Variants in STAG2 observed in about 807,000 individuals in gnomAD.
The protein encoded by STAG2 is STAG2 cohesin complex component.
Under a neutral mutation model 108.1 loss-of-function variants are expected in STAG2, and 14 were observed. The ratio of observed to expected loss-of-function variants is 0.13; its 90% CI spans 0.09 to 0.20. The LOEUF is 0.20. Among genes scored for constraint, STAG2 ranks in the 10% least tolerant of loss-of-function variants. STAG2 has a pLI of 1.00. For synonymous variants in STAG2, 307 were observed against 302.7 expected, an observed-to-expected ratio of 1.01 and a Z score of -0.15; for missense variants, 440 against 940.9, an observed-to-expected ratio of 0.47 and a Z score of 6.96.
intron 14 of STAG2, among the ~76,000 whole-genome samples, chrX:124,057,266 A>T (rs2058234149): frequency 8.9e-6 from 1 of 112,015 alleles, no homozygotes; most frequent in Admixed American, 9.5e-5. Flanking sequence ...TTTGAGCCAT[A>T]TAGATTAAAC....
chrX:123,973,369 C>T (rs966459879), intron 1 of STAG2, among the ~76,000 whole-genome samples: 17 of 106,795 alleles, frequency 1.6e-4, no homozygotes, highest in Non-Finnish European at 3.1e-4. Flanking sequence ...GGTGAGACCC[C>T]GTCTCTACTA....
intron 33 of STAG2, among the ~76,000 whole-genome samples, chrX:124,094,582 AAT>A (rs2059333817): frequency 8.9e-6 from 1 of 111,994 alleles, no homozygotes; most frequent in Admixed American, 9.5e-5. Context: ...AAGGAAATTA[AAT>A]ACAGGTAGGA....
Position 124,013,694 on chromosome X carries a change from A to G in STAG2, c.-162-7673A>G, listed in dbSNP as rs775693629. On this transcript the variant is annotated intron_variant, in intron 1 of 34. Coordinates refer to ENST00000371145, the MANE Select transcript of STAG2 (RefSeq NM_001042750.2). Reference sequence around the variant, plus strand: ...GTATGGTCAGACAGATGAGAGGACAATATTGCGGCATTCAGGTTAAGGCAA... The same window carrying G: ...GTATGGTCAGACAGATGAGAGGACAGTATTGCGGCATTCAGGTTAAGGCAA... Among the ~76,000 whole-genome samples the G allele has an allele frequency of 5.5e-5, 6 of 108,438 alleles. No homozygotes were observed. The South Asian group carries it at 1.3e-3, about 24-fold the overall frequency. The allele number at this position is 108,438 out of a possible 115,157, so 94.2% of individuals were successfully genotyped here. A position where few individuals can be genotyped will look rare whatever the true frequency, so the allele number is the denominator to read the frequency against.
At chrX:124,019,565 T>C (rs1041800766) in intron 1 of STAG2, among the ~76,000 whole-genome samples, 6 of 111,676 alleles carry the variant, frequency 5.4e-5, no homozygotes, top group Non-Finnish European at 9.4e-5. Context: ...AAAAATCTTA[T>C]TTCACTAGGA....
At chrX:124,083,756 T>G (rs1301495313) in intron 29 of STAG2, among the ~76,000 whole-genome samples, 1 of 112,155 alleles carries the variant, frequency 8.9e-6, no homozygotes, top group Non-Finnish European at 1.9e-5. Context: ...TGAGTTTTCC[T>G]CCAGTATAAT....
chrX:123,978,662 A>G (rs1274356450), intron 1 of STAG2, among the ~76,000 whole-genome samples: 2 of 111,563 alleles, frequency 1.8e-5, no homozygotes, highest in African/African-American at 6.5e-5. Context: ...CTATATAGTA[A>G]TACAGGTTGA....
chrX:124,072,847 C>T (rs916137037), intron 25 of STAG2, among the ~76,000 whole-genome samples: 19 of 107,853 alleles, frequency 1.8e-4, no homozygotes, highest in African/African-American at 6.4e-4. Context: ...ATTATAGGTG[C>T]CCACCACCAC....
intron 5 of STAG2, among the ~76,000 whole-genome samples, chrX:124,034,904 T>C (rs1051074346): frequency 1.0e-4 from 11 of 107,668 alleles, no homozygotes; most frequent in Admixed American, 4.1e-4. Flanking sequence ...TTATTATTAT[T>C]ATCATTATTC....
chrX:124,061,245 C>G lies in STAG2; in HGVS notation c.1438C>G (p.Leu480Val). ...ESELHEHAAY[L>V]VDSMWDCATE... ...TTAGTTACATGAGCATGCAGCATAC[C>G]TTGTGGATAGCATGTGGGACTGTGC... The change falls in exon 16 of 35, where the codon CTT becomes GTT. Residue 480 changes from leucine to valine, a missense_variant. Physicochemically the swap from Leu to Val is conservative, Grantham distance 32. Around this residue, in one of 3 missense-constraint regions of STAG2, gnomAD observed 337 missense variants for 649.3 expected, o/e 0.52. Coordinates refer to ENST00000371145, the MANE Select transcript of STAG2 (RefSeq NM_001042750.2). 2 of 1,205,124 alleles carry G rather than the reference C, an allele frequency of 1.7e-6. No individual in the cohort carries two copies. The highest frequency in any genetic ancestry group is 2.2e-6 in the Non-Finnish European group (2 of 892,057).
At chrX:124,040,154 T>C (rs1320930820) in intron 6 of STAG2, among the ~76,000 whole-genome samples, 1 of 111,696 alleles carries the variant, frequency 9.0e-6, no homozygotes, top group Non-Finnish European at 1.9e-5. Context: ...AGTATACTTA[T>C]TGTAATTTAA....
intron 1 of STAG2, among the ~76,000 whole-genome samples, chrX:124,011,921 C>T (rs1160698402): frequency 8.9e-6 from 1 of 111,750 alleles, no homozygotes; most frequent in Non-Finnish European, 1.9e-5. Flanking sequence ...ATTAAATTTC[C>T]ACGAGTTTTT....
intron 30 of STAG2, among the ~76,000 whole-genome samples, chrX:124,088,553 C>T (rs1388107352): frequency 9.1e-6 from 1 of 109,616 alleles, no homozygotes; most frequent in Admixed American, 9.8e-5. Context: ...ATTAGCTATT[C>T]ATGCATTTTC....
At chrX:124,100,126 C>G (rs1197743886) in intron 34 of STAG2, among the ~76,000 whole-genome samples, 1 of 111,661 alleles carries the variant, frequency 9.0e-6, no homozygotes, top group Non-Finnish European at 1.9e-5. Context: ...GGTCTGCATA[C>G]TCAAATGCCT....
chrX:124,007,035 C>G (rs759739650), intron 1 of STAG2, among the ~76,000 whole-genome samples: 2 of 110,341 alleles, frequency 1.8e-5, no homozygotes, highest in Non-Finnish European at 3.8e-5. Flanking sequence ...TAGTCTTGCT[C>G]TGTCACCTAG....
At chrX:124,056,545 A>G (rs1399778808) in intron 14 of STAG2, among the ~76,000 whole-genome samples, 1 of 108,112 alleles carries the variant, frequency 9.2e-6, no homozygotes, top group Non-Finnish European at 1.9e-5. Context: ...CATCCTGGCT[A>G]ACACGGTGAA....
intron 17 of STAG2, 142 bp from the exon 18 acceptor site, chrX:124,062,760 G>A (rs2058420642): frequency 2.3e-6 from 1 of 428,221 alleles, no homozygotes; most frequent in South Asian, 5.6e-5. Context: ...GTCACTTTTA[G>A]GGTTAATGTT....
At chrX:123,996,528 A>G (rs768041018) in intron 1 of STAG2, among the ~76,000 whole-genome samples, 82 of 111,527 alleles carry the variant, frequency 7.4e-4, no homozygotes, top group Non-Finnish European at 1.1e-3. Flanking sequence ...CATCCCTCCA[A>G]TATTCCTTGG....
intron 1 of STAG2, among the ~76,000 whole-genome samples, chrX:123,974,211 A>G (rs1422621305): frequency 5.5e-5 from 6 of 109,101 alleles, no homozygotes; most frequent in Non-Finnish European, 1.1e-4. Flanking sequence ...AAAAGAGCCC[A>G]TGATCATCTT....
chrX:123,974,642 G>A (rs1283526542), intron 1 of STAG2, among the ~76,000 whole-genome samples: 3 of 100,656 alleles, frequency 3.0e-5, no homozygotes, highest in Admixed American at 2.2e-4. Flanking sequence ...GCAGTGGCGT[G>A]ATCTCGGCTC....
Sources: allele counts gnomAD v4.1 joint callset (sites outside exome capture counted in the v4.1 genomes callset), GRCh38; gene constraint gnomAD v4.1.1; regional missense constraint gnomAD v4.1.1; transcripts MANE v1.5; gene names NCBI Gene and HGNC (gene_info 2026-07-23, HGNC 2026-07-21).